The following FOCAD variants were observed in gnomAD, a reference collection of about 807,000 sequenced individuals.
FOCAD encodes the protein KIAA1797.
In FOCAD, 198 loss-of-function variants were observed where a neutral mutation model predicts 225.6. The ratio of observed to expected loss-of-function variants is 0.88; its 90% CI spans 0.78 to 0.99. The LOEUF (loss-of-function observed/expected upper bound fraction) is 0.99. FOCAD is among the 50% of genes least tolerant of loss of function. FOCAD has a pLI of 0.00. For missense variants in FOCAD, 2,713 were observed against 2,123.6 expected (o/e 1.28, Z -5.46); for synonymous variants, 897 against 755.0 (o/e 1.19, Z -3.08).
intron 28 of FOCAD, among the ~76,000 whole-genome samples, chr9:20,934,133 T>A (rs947285566): frequency 6.6e-6 from 1 of 152,094 alleles, no homozygotes; most frequent in Non-Finnish European, 1.5e-5. Context: ...ATATAGATTG[T>A]GAAGATTTTC....
intron 30 of FOCAD, among the ~76,000 whole-genome samples, chr9:20,947,906 T>C (rs1427352410): frequency 2.6e-5 from 4 of 152,174 alleles, no homozygotes; most frequent in Non-Finnish European, 4.4e-5. Flanking sequence ...TTGCTTTTTA[T>C]GGGATGCTTT....
chr9:20,720,600 A>G (rs4977898), intron 4 of FOCAD, 66 bp downstream of exon 4: 1 of 1,521,508 alleles, frequency 6.6e-7, no homozygotes, highest in South Asian at 1.2e-5. Context: ...TCACTAAATC[A>G]CTATTAAGAG....
At chr9:20,681,061 A>C (rs1401481895), upstream of FOCAD, among the ~76,000 whole-genome samples, 1 of 152,218 alleles carries the variant, frequency 6.6e-6, no homozygotes, top group Non-Finnish European at 1.5e-5. Context: ...ACAAAAAGCA[A>C]TTAGTCATAT....
chr9:20,946,963 C>A, intron 30 of FOCAD, 143 bp downstream of exon 30: 1 of 988,444 alleles, frequency 1.0e-6, no homozygotes, highest in Non-Finnish European at 1.4e-6. Context: ...TCTTTTCTCA[C>A]AGCTGTAGCC....
intron 33 of FOCAD, 72 bp from the exon 34 acceptor site, chr9:20,950,924 C>A: frequency 7.5e-7 from 1 of 1,337,822 alleles, no homozygotes; most frequent in Non-Finnish European, 1.1e-6. Flanking sequence ...TGGTGACTTT[C>A]TGTGAGTGAC....
intron 11 of FOCAD, among the ~76,000 whole-genome samples, chr9:20,791,787 T>A (rs1216950282): frequency 6.6e-6 from 1 of 152,158 alleles, no homozygotes; most frequent in Non-Finnish European, 1.5e-5. Context: ...CTAAAATTGT[T>A]TCTGCCACCA....
chr9:20,842,414 G>A (rs1452516284), intron 15 of FOCAD, among the ~76,000 whole-genome samples: 3 of 151,528 alleles, frequency 2.0e-5, no homozygotes, highest in South Asian at 2.1e-4. Flanking sequence ...TTTATATCTG[G>A]GTATGCCAGT....
At chr9:20,867,139 A>T (rs1457959297) in intron 18 of FOCAD, 127 bp downstream of exon 18, 4 of 554,956 alleles carry the variant, frequency 7.2e-6, no homozygotes, top group Non-Finnish European at 1.2e-5. Flanking sequence ...TCCATGCAAG[A>T]TACAAATTCA....
chr9:20,815,392 A>G (rs956263723), intron 11 of FOCAD, among the ~76,000 whole-genome samples: 2 of 148,496 alleles, frequency 1.3e-5, no homozygotes, highest in African/African-American at 5.0e-5. Context: ...TGATCCTAAC[A>G]CCTCGGCCTC....
chr9:20,881,787 G>T, intron 19 of FOCAD, 84 bp from the exon 20 acceptor site: 4 of 1,357,316 alleles, frequency 2.9e-6, no homozygotes, highest in Non-Finnish European at 4.1e-6. Context: ...TAGCTTAGTT[G>T]TTTGTATATG....
chr9:20,858,644 G>C (rs1828453716), intron 15 of FOCAD, among the ~76,000 whole-genome samples: 2 of 152,016 alleles, frequency 1.3e-5, no homozygotes. Flanking sequence ...TTTTGGGTTT[G>C]ATTTGCTCTT....
intron 4 of FOCAD, chr9:20,726,321 A>G (rs1472525283): frequency 1.3e-5 from 2 of 152,152 alleles, no homozygotes; most frequent in East Asian, 1.9e-4. Context: ...GATTGTGAAT[A>G]AAAAATCTTG....
In FOCAD at chr9:20,907,345, T is replaced by A; in HGVS notation, c.2718+103T>A. The A allele has an allele frequency of 3.4e-6, 3 of 870,766 alleles. No homozygotes were observed. In the Admixed American group the frequency reaches 5.9e-5, roughly 17 times the overall value. The allele number at this position is 870,766 out of a possible 1,614,324, so 53.9% of individuals were successfully genotyped here. A position where few individuals can be genotyped will look rare whatever the true frequency, so the allele number is the denominator to read the frequency against. ...ATAAAAGCACTTGGGAAAATAGCAC[T>A]ACCAAAAATGTAATGGTTATTTTTA... is the stretch of plus-strand genomic sequence containing the variant. On this transcript the variant is annotated intron_variant, in intron 22 of 43. Transcript: ENST00000338382.
rs1280822423 is a variant in FOCAD, at chr9:20,770,185, G to A, written c.853G>A (p.Glu285Lys). Residue 285 changes from glutamate to lysine, a missense_variant, in exon 8 of 44, where the codon GAA becomes AAA. Glu to Lys is a moderately conservative substitution (Grantham distance 56, BLOSUM62 1). Coordinates refer to ENST00000338382, the MANE Select transcript of FOCAD (RefSeq NM_001375567.1). ...TGAAGTCAGCTTAAAGATAACTGGTGAATGTTCATCTTCAATTCACCTTTT... is the reference window on the plus strand; with the variant it reads ...TGAAGTCAGCTTAAAGATAACTGGTAAATGTTCATCTTCAATTCACCTTTT... ...VSEVSLKITG[E>K]CSSSIHLLEH... 1 of 1,614,040 alleles carries A rather than the reference G, an allele frequency of 6.2e-7. No individual in the cohort carries two copies. The highest frequency in any genetic ancestry group is 2.2e-5 in the East Asian group (1 of 44,868).
At chr9:20,804,125 A>AT (rs1822151582) in intron 11 of FOCAD, among the ~76,000 whole-genome samples, 1 of 152,052 alleles carries the variant, frequency 6.6e-6, no homozygotes, top group Non-Finnish European at 1.5e-5. Context: ...TCCACTTTAA[A>AT]TTTTTTTTGT....
rs1466994272 is a variant in FOCAD at position 20,874,684 on chromosome 9, A to G, written c.2194A>G (p.Arg732Gly). ...HTILHLPEKIRPEIPIPEELD... is the reference protein window; with the variant it reads ...HTILHLPEKIGPEIPIPEELD... Reference sequence around the variant, plus strand: ...ATCTTTTCGCTTATCATTTCAGATAAGACCAGAAATTCCCATTCCTGAAGA... The same window carrying G: ...ATCTTTTCGCTTATCATTTCAGATAGGACCAGAAATTCCCATTCCTGAAGA... The change falls in exon 19 of 44, where the codon AGA (arginine) becomes GGA (glycine). Residue 732 changes from arginine (R) to glycine (G), a missense_variant. Physicochemically the swap from Arg to Gly is moderately radical, Grantham distance 125. Coordinates refer to ENST00000338382, the MANE Select transcript of FOCAD (RefSeq NM_001375567.1). The G allele has an allele frequency of 6.2e-7, 1 of 1,613,242 alleles. No homozygotes were observed. The highest frequency in any genetic ancestry group is 8.5e-7 in the Non-Finnish European group (1 of 1,179,478).
intron 11 of FOCAD, among the ~76,000 whole-genome samples, chr9:20,807,100 A>G (rs1822541400): frequency 6.6e-6 from 1 of 152,252 alleles, no homozygotes; most frequent in African/African-American, 2.4e-5. Flanking sequence ...TATAATCCAG[A>G]GTATAATACT....
intron 2 of FOCAD, among the ~76,000 whole-genome samples, chr9:20,678,627 C>T (rs1295522541): frequency 6.6e-6 from 1 of 152,156 alleles, no homozygotes; most frequent in Admixed American, 6.5e-5. Flanking sequence ...ACAGGCTTCC[C>T]TTGCTTCAGG....
intron 35 of FOCAD, 55 bp from the exon 36 acceptor site, chr9:20,976,365 C>A: frequency 6.4e-7 from 1 of 1,553,756 alleles, no homozygotes. Context: ...TGGCATTTTC[C>A]ACTTCCATGA....
Sources: allele counts gnomAD v4.1 joint callset (sites outside exome capture counted in the v4.1 genomes callset), GRCh38; gene constraint gnomAD v4.1.1; transcripts MANE v1.5; gene names NCBI Gene and HGNC (gene_info 2026-07-23, HGNC 2026-07-21).